Variants in MBL2 observed in about 807,000 individuals in gnomAD.
MBL2 encodes mannose-binding protein C.
Under a neutral mutation model 12.7 loss-of-function variants are expected in MBL2, and 6 were observed. That is an observed-to-expected ratio of 0.47 (90% CI 0.26 to 0.94). The LOEUF is 0.94. Ranked by LOEUF, MBL2 falls within the 40% of genes least tolerant of loss-of-function variation. The pLI is 0.15. For missense variants in MBL2, 307 were observed against 295.2 expected (o/e 1.04, Z -0.29); for synonymous variants, 114 against 112.0 (o/e 1.02, Z -0.11).
At chr10:52,771,371 A>T (rs1332826270) in intron 2 of MBL2, 78 bp downstream of exon 2, 1 of 1,485,248 alleles carries the variant, frequency 6.7e-7, no homozygotes. Context: ...CTCAAATAGG[A>T]CATCAGTCTC....
At chr10:52,771,973 C>T (rs1446189822) in intron 1 of MBL2, among the ~76,000 whole-genome samples, 1 of 152,148 alleles carries the variant, frequency 6.6e-6, no homozygotes, top group East Asian at 1.9e-4. Flanking sequence ...TGGCTTATGC[C>T]TGTTAGCTTA....
chr10:52,769,596 A>T (rs1027399222), intron 3 of MBL2, among the ~76,000 whole-genome samples: 1 of 152,174 alleles, frequency 6.6e-6, no homozygotes, highest in South Asian at 2.1e-4. Context: ...AGCAATCCAT[A>T]TGCCAGGTTC....
rs974362012 is a variant in MBL2, at chr10:52,770,584, G to A, written c.304+86C>T. ...CAAATTTGGGTATCTTCCTTTGAAG[G>A]AACAGGAGAAGGGGCACCTCTTACC... is the stretch of plus-strand genomic sequence containing the variant. On this transcript the variant is annotated intron_variant, in intron 3 of 4. Coordinates refer to ENST00000674931, the MANE Select transcript of MBL2 (RefSeq NM_001378373.1). The A allele has an allele frequency of 1.1e-5, 9 of 796,596 alleles. No homozygotes were observed. The Admixed American group carries it at 1.5e-4, about 14-fold the overall frequency. The allele number at this position is 796,596 out of a possible 1,614,324, so 49.3% of individuals were successfully genotyped here. A position where few individuals can be genotyped will look rare whatever the true frequency, so the allele number is the denominator to read the frequency against.
intron 4 of MBL2, 119 bp from the exon 5 acceptor site, chr10:52,768,629 T>C (rs776790131): frequency 6.2e-6 from 4 of 647,122 alleles, no homozygotes; most frequent in Non-Finnish European, 1.0e-5. Context: ...CCAGTTAAAT[T>C]TGAATTTCAG....
chr10:52,769,902 T>C (rs1840365305), intron 3 of MBL2, among the ~76,000 whole-genome samples: 1 of 139,434 alleles, frequency 7.2e-6, no homozygotes, highest in Non-Finnish European at 1.5e-5. Flanking sequence ...GCTCCTCGCA[T>C]TAAGACATGA....
At chr10:52,772,498 G>A (rs1840410237) in intron 1 of MBL2, among the ~76,000 whole-genome samples, 1 of 152,056 alleles carries the variant, frequency 6.6e-6, no homozygotes, top group Admixed American at 6.5e-5. Flanking sequence ...AGCCCCATAG[G>A]TCTAAGCCTC....
In MBL2 at chr10:52,766,010, A is replaced by G. The variant is rs1269597837; in HGVS notation, c.*2127T>C. The G allele has an allele frequency of 6.6e-6, 1 of 152,176 alleles. No individual in the cohort carries two copies. The highest frequency in any genetic ancestry group is 2.1e-4 in the South Asian group (1 of 4,836). 9.4% of individuals were successfully genotyped at this position (152,176 alleles called of 1,614,324 possible). On this transcript the variant is annotated 3_prime_UTR_variant, in exon 5 of 5. Coordinates refer to ENST00000674931, the MANE Select transcript of MBL2 (RefSeq NM_001378373.1). ...AAAATATTTAAAATATATTATTAAA[A>G]TCACTAAAACCACCAAAACAAGATA...
chr10:52,768,635 T>A, intron 4 of MBL2, 125 bp from the exon 5 acceptor site: 1 of 624,696 alleles, frequency 1.6e-6, no homozygotes, highest in East Asian at 2.8e-5. Context: ...AAATTTGAAT[T>A]TCAGACAAAC....
rs762672772 is a variant in MBL2, at chr10:52,771,571, G to A, written c.65C>T (p.Thr22Ile). 26 of 1,613,878 alleles carry A rather than the reference G, an allele frequency of 1.6e-5. No individual in the cohort carries two copies. The highest frequency in any genetic ancestry group is 2.1e-5 in the Non-Finnish European group (25 of 1,179,930). Residue 22 changes from threonine (T) to isoleucine (I), a missense_variant, in exon 2 of 5, where the codon ACT becomes ATT. Transcript: ENST00000674931. ...CTTTTGGGCATCCTCACAGGTCACA[G>A]TTTCTGAGTAAGACGCTGCCACCAT... ...LSMVAASYSE[T>I]VTCEDAQKTC...
rs192251459 is a variant in MBL2 at position 52,771,444 on chromosome 10, C to G, written c.187+5G>C. The stretch of plus-strand genomic sequence containing the variant: ...ATTGCAGAGACAGAACAGCCCAACA[C>G]GTACCTGGTTCCCCCTTTTCTCCCT... On this transcript the variant is annotated splice_donor_5th_base_variant and intron_variant, in intron 2 of 4. Coordinates refer to ENST00000674931, the MANE Select transcript of MBL2 (RefSeq NM_001378373.1). 1 of 1,613,452 alleles carries G rather than the reference C, an allele frequency of 6.2e-7. No homozygotes were observed. The highest frequency in any genetic ancestry group is 8.5e-7 in the Non-Finnish European group (1 of 1,179,760).
In MBL2 at chr10:52,772,703, G is replaced by A. The variant is rs1352676121; in HGVS notation, c.-10+34C>T. The A allele has an allele frequency of 1.2e-5, 12 of 984,554 alleles. No individual in the cohort carries two copies. The South Asian group carries it at 3.3e-4, about 27-fold the overall frequency. The allele number at this position is 984,554 out of a possible 1,614,324, so 61.0% of individuals were successfully genotyped here. A position where few individuals can be genotyped will look rare whatever the true frequency, so the allele number is the denominator to read the frequency against. ...TGTCAGCTCCCCAAACCCTTGATCC[G>A]GAAACCCAGATTTATTCACCAGAAA... On this transcript the variant is annotated intron_variant, in intron 1 of 4. Transcript: ENST00000674931.
chr10:52,769,405 T>C, intron 3 of MBL2, 90 bp from the exon 4 acceptor site: 1 of 680,812 alleles, frequency 1.5e-6, no homozygotes, highest in Non-Finnish European at 2.5e-6. Flanking sequence ...TTTTTCAAAC[T>C]GAAAAAAAAA....
In MBL2 at chr10:52,765,625, A is replaced by G. The variant is rs1406353832; in HGVS notation, c.*2512T>C. 1.3e-5 allele frequency: 2 copies of G among 152,176 alleles called. No individual in the cohort carries two copies. The highest frequency in any genetic ancestry group is 2.4e-5 in the African/African-American group (1 of 41,446). The allele number at this position is 152,176 out of a possible 1,614,324, so 9.4% of individuals were successfully genotyped here. On this transcript the variant is annotated 3_prime_UTR_variant, in exon 5 of 5. Transcript: ENST00000674931. ...ATTATTTTCTCTCAGCTGCAAATAC[A>G]TGGCTGAAACACAAAGTAACTGGCT...
At chr10:52,770,816 A>G (rs1218832823) in intron 2 of MBL2, 30 bp from the exon 3 acceptor site, 1 of 1,212,618 alleles carries the variant, frequency 8.2e-7, no homozygotes, top group Non-Finnish European at 1.1e-6. Context: ...ATGTGACTTA[A>G]TATCTATGTT....
chr10:52,768,101 G>C lies in MBL2; in HGVS notation c.*36C>G. On this transcript the variant is annotated 3_prime_UTR_variant, in exon 5 of 5. Coordinates refer to ENST00000674931, the MANE Select transcript of MBL2 (RefSeq NM_001378373.1). ...GCATACTGTGGGCCTGTGGGTTGCA[G>C]TAAAAAGACAAGGAGGGCCTGAGTG... The C allele has an allele frequency of 6.4e-7, 1 of 1,551,224 alleles. No individual in the cohort carries two copies. The highest frequency in any genetic ancestry group is 8.7e-7 in the Non-Finnish European group (1 of 1,148,912).
chr10:52,768,328 T>C lies in MBL2; in HGVS notation c.556A>G (p.Ile186Val), dbSNP rs1318031019. 1 of 1,613,856 alleles carries C rather than the reference T, an allele frequency of 6.2e-7. No homozygotes were observed. The highest frequency in any genetic ancestry group is 1.1e-5 in the South Asian group (1 of 91,088). Residue 186 changes from isoleucine to valine, a missense_variant, in exon 5 of 5, where the codon ATC becomes GTC. Ile to Val is a conservative substitution (Grantham distance 29). Coordinates refer to ENST00000674931, the MANE Select transcript of MBL2 (RefSeq NM_001378373.1). ...NLIKEEAFLG[I>V]TDEKTEGQFV... ...TGCCCTTCTGTCTTCTCATCAGTGA[T>C]GCCCAGGAAGGCTTCCTCCTTGATG... is the stretch of plus-strand genomic sequence containing the variant.
In MBL2 at chr10:52,767,152, T is replaced by C. The variant is rs1035907032; in HGVS notation, c.*985A>G. 6.6e-6 allele frequency: 1 copy of C among 151,974 alleles called. No individual in the cohort carries two copies. The highest frequency in any genetic ancestry group is 2.4e-5 in the African/African-American group (1 of 41,272). The allele number at this position is 151,974 out of a possible 1,614,324, so 9.4% of individuals were successfully genotyped here. A position where few individuals can be genotyped will look rare whatever the true frequency, so the allele number is the denominator to read the frequency against. On this transcript the variant is annotated 3_prime_UTR_variant, in exon 5 of 5. Transcript: ENST00000674931. ...TCTACCAGTTCCACTCCTGGATAGGTAGTGAAATTAGTGCACCATGTCCAC... is the reference window on the plus strand; with the variant it reads ...TCTACCAGTTCCACTCCTGGATAGGCAGTGAAATTAGTGCACCATGTCCAC...
intron 3 of MBL2, among the ~76,000 whole-genome samples, chr10:52,769,777 T>G (rs771441146): frequency 2.6e-5 from 4 of 152,242 alleles, no homozygotes; most frequent in Non-Finnish European, 4.4e-5. Context: ...TTTTCCAGGT[T>G]TGTTCTGTTA....
In MBL2 at chr10:52,768,275, C is replaced by A. The variant is rs1389009090; in HGVS notation, c.609G>T (p.Leu203=). 2 of 1,613,718 alleles carry A rather than the reference C, an allele frequency of 1.2e-6. No individual in the cohort carries two copies. Among genetic ancestry groups the A allele is most frequent in the Non-Finnish European group, 1.7e-6 (2 of 1,180,022 alleles). The change falls in exon 5 of 5, where the codon CTG becomes CTT. Residue 203 remains leucine (L), a synonymous_variant. Transcript: ENST00000674931. ...GQFVDLTGNR[L]TYTNWNEGEP... is the part of the protein sequence containing the mutation. ...CACCCTCGTTCCAGTTTGTGTAGGTCAGTCTATTTCCTGTCAGATCCACAA... is the reference window on the plus strand; with the variant it reads ...CACCCTCGTTCCAGTTTGTGTAGGTAAGTCTATTTCCTGTCAGATCCACAA...
Sources: allele counts gnomAD v4.1 joint callset (sites outside exome capture counted in the v4.1 genomes callset), GRCh38; gene constraint gnomAD v4.1.1; transcripts MANE v1.5; gene names NCBI Gene and HGNC (gene_info 2026-07-23, HGNC 2026-07-21).